TPD52: variants seen among roughly 807,000 people sequenced by gnomAD.
TPD52 encodes the protein tumor protein D52, also known as prostate and colon associated protein.
TPD52 carries 17 observed loss-of-function variants against 31.3 expected under a neutral mutation model. The observed-to-expected ratio is 0.54, with a 90% confidence interval of 0.37 to 0.82. The LOEUF (loss-of-function observed/expected upper bound fraction) is 0.82. Ranked by LOEUF, TPD52 falls within the 40% of genes least tolerant of loss-of-function variation. TPD52 has a pLI of 0.00. For missense variants in TPD52, 212 were observed against 240.1 expected, an observed-to-expected ratio of 0.88 and a Z score of 0.77; for synonymous variants, 83 against 89.6, an observed-to-expected ratio of 0.93 and a Z score of 0.42.
At chr8:80,093,785 G>A (rs904913899) in intron 1 of TPD52, among the ~76,000 whole-genome samples, 1 of 152,080 alleles carries the variant, frequency 6.6e-6, no homozygotes. Context: ...AAAAGTGATA[G>A]CTTCACCATC....
intron 1 of TPD52, among the ~76,000 whole-genome samples, chr8:80,138,755 C>T (rs779572469): frequency 3.6e-4 from 55 of 152,182 alleles, no homozygotes; most frequent in Non-Finnish European, 5.3e-4. Context: ...TTTAAGGACA[C>T]TGGCTCTCTG....
At chr8:80,096,307 C>A (rs1816737508) in intron 1 of TPD52, among the ~76,000 whole-genome samples, 1 of 151,710 alleles carries the variant, frequency 6.6e-6, no homozygotes, top group African/African-American at 2.4e-5. Context: ...CACACACACA[C>A]ACACACACAC....
At chr8:80,094,430 T>TTATATATATA (rs61266725) in intron 1 of TPD52, among the ~76,000 whole-genome samples, 55 of 53,674 alleles carry the variant, frequency 1.0e-3, no homozygotes, top group Non-Finnish European at 1.7e-3. Flanking sequence ...AAAGAAAATT[T>TTATATATATA]TATATATATA....
intron 5 of TPD52, 145 bp downstream of exon 5, chr8:80,050,300 A>G: frequency 1.6e-6 from 1 of 611,926 alleles, no homozygotes; most frequent in Non-Finnish European, 2.6e-6. Flanking sequence ...TGAAATTAGG[A>G]ATGCACTAGA....
chr8:80,075,663 T>C (rs976465373), intron 1 of TPD52, among the ~76,000 whole-genome samples: 6 of 152,184 alleles, frequency 3.9e-5, no homozygotes, highest in South Asian at 2.1e-4. Context: ...TGCCCCAAAA[T>C]TGAGTATAAA....
chr8:80,161,051 A>T (rs1171261915), intron 1 of TPD52, among the ~76,000 whole-genome samples: 1 of 152,140 alleles, frequency 6.6e-6, no homozygotes, highest in East Asian at 1.9e-4. Context: ...TGGGCAACAG[A>T]GCGAGACTCT....
chr8:80,141,916 AC>A (rs1012537838), intron 1 of TPD52, among the ~76,000 whole-genome samples: 22 of 124,868 alleles, frequency 1.8e-4, no homozygotes, highest in African/African-American at 4.9e-4. Flanking sequence ...GCTCAAAAAA[AC>A]AATAAAAATA....
At chr8:80,105,770 C>A (rs1008458325) in intron 1 of TPD52, among the ~76,000 whole-genome samples, 2 of 146,684 alleles carry the variant, frequency 1.4e-5, no homozygotes, top group Non-Finnish European at 3.0e-5. Context: ...CTGGCTCCGT[C>A]ACCCAGGCTG....
chr8:80,107,866 G>C (rs1363542642), intron 1 of TPD52, among the ~76,000 whole-genome samples: 1 of 152,000 alleles, frequency 6.6e-6, no homozygotes, highest in Non-Finnish European at 1.5e-5. Context: ...TTTTTCCTGG[G>C]TTGCTGGTTA....
At chr8:80,158,510 C>T (rs1811118792) in intron 1 of TPD52, 1 of 152,248 alleles carries the variant, frequency 6.6e-6, no homozygotes, top group African/African-American at 2.4e-5. Flanking sequence ...AAACTTTTCA[C>T]AACATCTACT....
chr8:80,119,540 A>G (rs996336790), intron 1 of TPD52, among the ~76,000 whole-genome samples: 1 of 152,188 alleles, frequency 6.6e-6, no homozygotes, highest in South Asian at 2.1e-4. Context: ...CTGGGGGAAA[A>G]AAAGTCAAGA....
intron 1 of TPD52, among the ~76,000 whole-genome samples, chr8:80,124,873 G>A (rs1334934562): frequency 5.3e-5 from 8 of 152,148 alleles, no homozygotes. Flanking sequence ...AAATTGAGCA[G>A]AAAGTACAGA....
At chr8:80,109,127 G>C (rs924967676) in intron 1 of TPD52, among the ~76,000 whole-genome samples, 1 of 152,094 alleles carries the variant, frequency 6.6e-6, no homozygotes, top group Non-Finnish European at 1.5e-5. Flanking sequence ...GTTCCCAGCA[G>C]ACCCAGGAAC....
At chr8:80,045,919 C>A (rs1277071835) in intron 5 of TPD52, among the ~76,000 whole-genome samples, 1 of 152,090 alleles carries the variant, frequency 6.6e-6, no homozygotes, top group African/African-American at 2.4e-5. Context: ...AAGGTAATGG[C>A]CAAATATGTG....
chr8:80,046,443 T>C (rs182583809), intron 5 of TPD52, among the ~76,000 whole-genome samples: 1 of 152,342 alleles, frequency 6.6e-6, no homozygotes, highest in African/African-American at 2.4e-5. Flanking sequence ...TAACTAGTTG[T>C]AATCTAACTA....
chr8:80,128,752 T>C (rs909594803), intron 1 of TPD52, among the ~76,000 whole-genome samples: 1 of 152,068 alleles, frequency 6.6e-6, no homozygotes, highest in Admixed American at 6.5e-5. Flanking sequence ...CTGGTAATAT[T>C]AGATATTAAG....
intron 1 of TPD52, among the ~76,000 whole-genome samples, chr8:80,106,952 C>A (rs570776038): frequency 7.9e-5 from 12 of 151,446 alleles, no homozygotes; most frequent in African/African-American, 2.2e-4. Context: ...CCCGGGTTCA[C>A]ACCATTCTCC....
intron 1 of TPD52, among the ~76,000 whole-genome samples, chr8:80,067,636 G>A (rs1813303683): frequency 6.6e-6 from 1 of 152,014 alleles, no homozygotes; most frequent in Admixed American, 6.6e-5. Flanking sequence ...CTAAATCTTT[G>A]GTGGAGGTCA....
At chr8:80,160,490 TAATATTCCAACTTCCATATGG>T (rs1409212401) in intron 1 of TPD52, among the ~76,000 whole-genome samples, 2 of 152,168 alleles carry the variant, frequency 1.3e-5, no homozygotes, top group African/African-American at 2.4e-5. Flanking sequence ...ATTCCATACT[TAATATTCCAACTTCCATATGG>T]AATATTCCAA....
Sources: gnomAD v4.1 joint callset for allele counts (sites outside exome capture counted in the v4.1 genomes callset) on GRCh38, gnomAD v4.1.1 for gene constraint, MANE v1.5 for transcripts, NCBI Gene and HGNC (gene_info 2026-07-23, HGNC 2026-07-21) for gene names.